The following NHERF1 variants were observed in gnomAD, a reference collection of about 807,000 sequenced individuals.
The protein encoded by NHERF1 is NHERF family PDZ scaffold protein 1.
the NHERF1 span, chr17:74,749,211 C>T: frequency 2.0e-6 from 3 of 1,524,456 alleles, no homozygotes; most frequent in Non-Finnish European, 2.6e-6. The surrounding 1 kb of genome is among the most constrained non-coding windows in gnomAD (Gnocchi z 5.6). Flanking sequence ...CAGGCCGAGC[C>T]GCCGGCCGCC....
chr17:74,757,503 A>G, the NHERF1 span, among the ~76,000 whole-genome samples: 2 of 152,080 alleles, frequency 1.3e-5, no homozygotes, highest in African/African-American at 4.8e-5. Context: ...ACCTAGGGTA[A>G]GGAGAAGACA....
chr17:74,763,688 G>A, the NHERF1 span, among the ~76,000 whole-genome samples: 119 of 152,338 alleles, frequency 7.8e-4, 1 homozygote, highest in Middle Eastern at 6.8e-3. Context: ...CTGGGGGAGC[G>A]GGGGCCTAGT....
chr17:74,750,771 AC>A, the NHERF1 span, among the ~76,000 whole-genome samples: 3 of 36,540 alleles, frequency 8.2e-5, no homozygotes, highest in Non-Finnish European at 1.6e-4. Flanking sequence ...ATACCCACCC[AC>A]CCCCACCCCC....
the NHERF1 span, among the ~76,000 whole-genome samples, chr17:74,752,152 T>C: frequency 1.3e-5 from 2 of 152,322 alleles, no homozygotes; most frequent in East Asian, 3.9e-4. Context: ...TGATACGTTG[T>C]GGCCAGGTGT....
the NHERF1 span, chr17:74,767,872 C>T: frequency 1.9e-6 from 1 of 535,982 alleles, no homozygotes. Context: ...ATTGGAGTGG[C>T]CCAGGGAGAG....
chr17:74,763,531 TG>T, the NHERF1 span: 1 of 1,576,308 alleles, frequency 6.3e-7, no homozygotes, highest in Non-Finnish European at 8.6e-7. Context: ...GTAAGCCAGG[TG>T]GGGCCACTGG....
chr17:74,762,318 G>A, the NHERF1 span: 11 of 729,290 alleles, frequency 1.5e-5, no homozygotes, highest in South Asian at 1.5e-4. This position sits in a 1 kb window ranked among gnomAD's most constrained non-coding sequence, Gnocchi z 4.2. Context: ...GTGGATGGGA[G>A]GGAGGGAGGG....
the NHERF1 span, among the ~76,000 whole-genome samples, chr17:74,765,029 T>C: frequency 7.2e-5 from 11 of 152,090 alleles, no homozygotes; most frequent in South Asian, 2.3e-3. Flanking sequence ...GAAGAAGCCC[T>C]ACACTGACCA....
the NHERF1 span, chr17:74,749,403 G>T: frequency 9.7e-7 from 1 of 1,033,460 alleles, no homozygotes; most frequent in Non-Finnish European, 1.4e-6. The surrounding 1 kb of genome is among the most constrained non-coding windows in gnomAD (Gnocchi z 5.6). Flanking sequence ...AACTCGAGCT[G>T]CGAGGGGGAG....
the NHERF1 span, chr17:74,768,710 CT>C: frequency 5.3e-6 from 8 of 1,516,838 alleles, no homozygotes; most frequent in South Asian, 1.1e-5. Context: ...TCCACCCCAC[CT>C]TTTTCCTTCT....
chr17:74,763,109 C>T, the NHERF1 span: 2 of 424,986 alleles, frequency 4.7e-6, no homozygotes, highest in Admixed American at 3.9e-5. Flanking sequence ...CCATCTCTCC[C>T]AGCTGTGTTT....
the NHERF1 span, chr17:74,748,810 A>G: frequency 6.4e-7 from 1 of 1,554,396 alleles, no homozygotes; most frequent in African/African-American, 1.3e-5. This position sits in a 1 kb window ranked among gnomAD's most constrained non-coding sequence, Gnocchi z 4.3. Flanking sequence ...TCCCCATCGG[A>G]ACCCCAAGTC....
chr17:74,752,601 C>T, the NHERF1 span, among the ~76,000 whole-genome samples: 1 of 152,054 alleles, frequency 6.6e-6, no homozygotes, highest in African/African-American at 2.4e-5. Flanking sequence ...TCAATCGATC[C>T]TCCCACCTCA....
At chr17:74,749,293 C>T in the NHERF1 span, 2 of 1,526,748 alleles carry the variant, frequency 1.3e-6, no homozygotes. The surrounding 1 kb of genome is among the most constrained non-coding windows in gnomAD (Gnocchi z 5.6). Context: ...AGCAGGTAAG[C>T]GGGGCCCAAG....
chr17:74,748,998 C>T, the NHERF1 span: 3 of 1,608,930 alleles, frequency 1.9e-6, no homozygotes, highest in South Asian at 1.1e-5. The surrounding 1 kb of genome is among the most constrained non-coding windows in gnomAD (Gnocchi z 4.3). Context: ...GCCGAGAAGG[C>T]GGGGCTGCTG....
At chr17:74,762,660 C>T in the NHERF1 span, among the ~76,000 whole-genome samples, 1 of 151,958 alleles carries the variant, frequency 6.6e-6, no homozygotes, top group Non-Finnish European at 1.5e-5. The surrounding 1 kb of genome is among the most constrained non-coding windows in gnomAD (Gnocchi z 4.2). Context: ...TGGGTTCAAG[C>T]GATTCTCCTG....
chr17:74,753,383 C>T, the NHERF1 span, among the ~76,000 whole-genome samples: 6 of 152,086 alleles, frequency 3.9e-5, no homozygotes, highest in Admixed American at 2.0e-4. Context: ...TTTCCCAGGG[C>T]GGGCGGGCCA....
chr17:74,766,616 T>G, the NHERF1 span, among the ~76,000 whole-genome samples: 2 of 151,858 alleles, frequency 1.3e-5, no homozygotes, highest in Non-Finnish European at 2.9e-5. Flanking sequence ...GTGTGCTGAG[T>G]CATCAAAATG....
the NHERF1 span, chr17:74,768,809 CCT>C: frequency 1.4e-6 from 1 of 692,928 alleles, no homozygotes; most frequent in Non-Finnish European, 2.4e-6. Flanking sequence ...TATGTTCTTC[CCT>C]GACTTTAGGG....
Sources: allele counts gnomAD v4.1 joint callset (sites outside exome capture counted in the v4.1 genomes callset), GRCh38; gene constraint gnomAD v4.1.1; non-coding constraint Gnocchi (gnomAD v3.1); transcripts MANE v1.5; gene names NCBI Gene and HGNC (gene_info 2026-07-23, HGNC 2026-07-21).